The following DCAF12 variants were observed in gnomAD, a reference collection of about 807,000 sequenced individuals.
The protein encoded by DCAF12 is DDB1- and CUL4-associated factor 12.
In DCAF12, 28 loss-of-function variants were observed where a neutral mutation model predicts 52.8. The ratio of observed to expected loss-of-function variants is 0.53; its 90% CI spans 0.39 to 0.73. The LOEUF (loss-of-function observed/expected upper bound fraction) is 0.73. DCAF12 is among the 30% of genes least tolerant of loss of function. The pLI is 0.00. For synonymous variants in DCAF12, 196 were observed against 215.5 expected (o/e 0.91, Z 0.79); for missense variants, 425 against 552.2 (o/e 0.77, Z 2.31).
In DCAF12 at chr9:34,088,175, C is replaced by A. The variant is rs1828588754; in HGVS notation, c.*175G>T. On this transcript the variant is annotated 3_prime_UTR_variant, in exon 9 of 9. Coordinates refer to ENST00000361264, the MANE Select transcript of DCAF12 (RefSeq NM_015397.4). ...CCAAAGGGGAAAACAAAAAGCAAAA[C>A]AACTTTCAGATTTCTGTACAGAGCT... is the stretch of plus-strand genomic sequence containing the variant. 5 of 552,096 alleles carry A rather than the reference C, an allele frequency of 9.1e-6. No individual in the cohort carries two copies. Among genetic ancestry groups the A allele is most frequent in the Middle Eastern group, 4.7e-4 (1 of 2,130 alleles). The allele number at this position is 552,096 out of a possible 1,614,324, so 34.2% of individuals were successfully genotyped here. A position where few individuals can be genotyped will look rare whatever the true frequency, so the allele number is the denominator to read the frequency against.
intron 7 of DCAF12, 90 bp downstream of exon 7, chr9:34,093,196 T>C (rs1828673796): frequency 6.7e-7 from 1 of 1,492,808 alleles, no homozygotes; most frequent in Non-Finnish European, 9.3e-7. Context: ...TACAGAGCAC[T>C]ATACCTGTTT....
At position 34,121,705 on chromosome 9, in the gene DCAF12, G is replaced by C. The variant is rs1246409770; in HGVS notation, c.333+3318C>G. ...CATGCCTGTAATCCCAGCACTTTGGGAGGCCAAGGCAGGCGGATCACGAGG... is the reference window on the plus strand; with the variant it reads ...CATGCCTGTAATCCCAGCACTTTGGCAGGCCAAGGCAGGCGGATCACGAGG... On this transcript the variant is annotated intron_variant, in intron 2 of 8. Coordinates refer to ENST00000361264, the MANE Select transcript of DCAF12 (RefSeq NM_015397.4). Among the ~76,000 whole-genome samples the C allele has an allele frequency of 4.6e-5, 7 of 152,112 alleles. No homozygotes were observed. In the South Asian group the frequency reaches 6.2e-4, roughly 13 times the overall value.
chr9:34,111,897 G>A (rs1327758993), intron 2 of DCAF12, among the ~76,000 whole-genome samples: 1 of 152,144 alleles, frequency 6.6e-6, no homozygotes, highest in African/African-American at 2.4e-5. Context: ...CACTTAGGGA[G>A]GCTGAGGCGG....
At chr9:34,097,064 A>G (rs1229317517) in intron 5 of DCAF12, among the ~76,000 whole-genome samples, 1 of 152,058 alleles carries the variant, frequency 6.6e-6, no homozygotes, top group Non-Finnish European at 1.5e-5. Context: ...CAGGGCACAT[A>G]TGTGAAGGAC....
intron 2 of DCAF12, chr9:34,109,303 T>C: frequency 5.1e-6 from 1 of 197,414 alleles, no homozygotes; most frequent in South Asian, 1.1e-4. Flanking sequence ...TCCCATGTAC[T>C]AGTGCTGGAA....
chr9:34,118,475 G>A (rs994430596), intron 2 of DCAF12, among the ~76,000 whole-genome samples: 1 of 152,058 alleles, frequency 6.6e-6, no homozygotes, highest in Non-Finnish European at 1.5e-5. Flanking sequence ...AACAGTTAAC[G>A]TGTAAGTTAT....
At chr9:34,121,423 G>A (rs757340461) in intron 2 of DCAF12, among the ~76,000 whole-genome samples, 2 of 152,068 alleles carry the variant, frequency 1.3e-5, no homozygotes, top group African/African-American at 4.8e-5. Flanking sequence ...CACTCTTACC[G>A]AGAGGTCCCT....
intron 2 of DCAF12, among the ~76,000 whole-genome samples, chr9:34,119,698 T>C (rs182306834): frequency 9.1e-4 from 123 of 135,362 alleles, no homozygotes; most frequent in African/African-American, 3.3e-3. Flanking sequence ...TATGTACTTT[T>C]GCGGTTTTTT....
At chr9:34,113,953 A>ATTT (rs1829045908) in intron 2 of DCAF12, among the ~76,000 whole-genome samples, 2 of 150,670 alleles carry the variant, frequency 1.3e-5, no homozygotes, top group South Asian at 2.1e-4. Context: ...CTAAAAATAC[A>ATTT]AAAAATTAGC....
chr9:34,090,369 G>T (rs1828625034), intron 7 of DCAF12, among the ~76,000 whole-genome samples: 1 of 151,950 alleles, frequency 6.6e-6, no homozygotes, highest in African/African-American at 2.4e-5. Flanking sequence ...CACAATGCAA[G>T]AAGTCTTTAT....
At chr9:34,095,325 G>A (rs1181162744) in intron 6 of DCAF12, among the ~76,000 whole-genome samples, 9 of 149,900 alleles carry the variant, frequency 6.0e-5, no homozygotes, top group Admixed American at 4.7e-4. Context: ...CACCTGCCTC[G>A]GCCTCCCAAA....
rs1217853315 is a variant in DCAF12 at position 34,088,313 on chromosome 9, G to A, written c.*37C>T. 1 of 1,498,268 alleles carries A rather than the reference G, an allele frequency of 6.7e-7. No individual in the cohort carries two copies. The highest frequency in any genetic ancestry group is 2.4e-5 in the East Asian group (1 of 41,706). The allele number at this position is 1,498,268 out of a possible 1,614,324, so 92.8% of individuals were successfully genotyped here. A position where few individuals can be genotyped will look rare whatever the true frequency, so the allele number is the denominator to read the frequency against. On this transcript the variant is annotated 3_prime_UTR_variant, in exon 9 of 9. Coordinates refer to ENST00000361264, the MANE Select transcript of DCAF12 (RefSeq NM_015397.4). ...AAAAGAAACAAGGAAACTGAGAATG[G>A]AAGTTAGTGTAAATCTCTGCATTTG...
At chr9:34,108,734 C>T (rs892876454) in intron 2 of DCAF12, among the ~76,000 whole-genome samples, 5 of 149,456 alleles carry the variant, frequency 3.3e-5, no homozygotes, top group South Asian at 4.2e-4. Flanking sequence ...TGCAGTGAGC[C>T]GGGATCGAGC....
In DCAF12 at chr9:34,087,424, A is replaced by C. The variant is rs1385171749; in HGVS notation, c.*926T>G. The C allele has an allele frequency of 1.3e-5, 2 of 152,246 alleles. No individual in the cohort carries two copies. The highest frequency in any genetic ancestry group is 4.8e-5 in the African/African-American group (2 of 41,462). The allele number at this position is 152,246 out of a possible 1,614,324, so 9.4% of individuals were successfully genotyped here. ...TCCCAGCTCCAGGCCCCTTAAAACC[A>C]GATCAGGTCTTGAGGGGAAGGAGAG... On this transcript the variant is annotated 3_prime_UTR_variant, in exon 9 of 9. Coordinates refer to ENST00000361264, the MANE Select transcript of DCAF12 (RefSeq NM_015397.4).
At chr9:34,108,817 A>ATATG (rs1828949583) in intron 2 of DCAF12, among the ~76,000 whole-genome samples, 1 of 147,020 alleles carries the variant, frequency 6.8e-6, no homozygotes, top group Non-Finnish European at 1.5e-5. Context: ...AAATAAATAT[A>ATATG]TATATATATA....
At chr9:34,115,109 G>A (rs1829064355) in intron 2 of DCAF12, among the ~76,000 whole-genome samples, 1 of 152,130 alleles carries the variant, frequency 6.6e-6, no homozygotes, top group Non-Finnish European at 1.5e-5. Flanking sequence ...GACACACTAT[G>A]TTGCAGTCAG....
intron 3 of DCAF12, 28 bp from the exon 4 acceptor site, chr9:34,106,522 G>A (rs751420114): frequency 2.5e-6 from 4 of 1,577,476 alleles, no homozygotes; most frequent in Non-Finnish European, 3.5e-6. Flanking sequence ...AACAGGTACA[G>A]GGAGGAAAAT....
At chr9:34,123,369 A>C (rs569579062) in intron 2 of DCAF12, among the ~76,000 whole-genome samples, 1 of 152,362 alleles carries the variant, frequency 6.6e-6, no homozygotes, top group South Asian at 2.1e-4. Flanking sequence ...GCTCACTCAG[A>C]ATATTTCCCA....
chr9:34,126,467 G>A lies in DCAF12; in HGVS notation c.-36C>T. ...GCCGCCGCGGCCCCGCAGCCACATGGGGCGGGGGAAGCGAAGGATAGCAGG... is the reference window on the plus strand; with the variant it reads ...GCCGCCGCGGCCCCGCAGCCACATGAGGCGGGGGAAGCGAAGGATAGCAGG... On this transcript the variant is annotated 5_prime_UTR_variant, in exon 1 of 9. Coordinates refer to ENST00000361264, the MANE Select transcript of DCAF12 (RefSeq NM_015397.4). 9 of 1,594,378 alleles carry A rather than the reference G, an allele frequency of 5.6e-6. No individual in the cohort carries two copies. The highest frequency in any genetic ancestry group is 1.8e-4 in the Middle Eastern group (1 of 5,652).
Sources: gnomAD v4.1 joint callset for allele counts (sites outside exome capture counted in the v4.1 genomes callset) on GRCh38, gnomAD v4.1.1 for gene constraint, MANE v1.5 for transcripts, NCBI Gene and HGNC (gene_info 2026-07-23, HGNC 2026-07-21) for gene names.